The following RMDN2 variants were observed in gnomAD, a reference collection of about 807,000 sequenced individuals.
RMDN2 encodes the protein regulator of microtubule dynamics protein 2.
A neutral mutation model predicts 52.8 loss-of-function variants in RMDN2; 61 were observed. That is an observed-to-expected ratio of 1.16 (90% confidence interval 0.94 to 1.43). The LOEUF (loss-of-function observed/expected upper bound fraction) is 1.43, where lower values mean the gene tolerates loss of function less well. Ranked by LOEUF, RMDN2 falls within the 40% of genes most tolerant of loss-of-function variation. The pLI is 0.00. For synonymous variants in RMDN2, 180 were observed against 153.1 expected (o/e 1.18, Z -1.30); for missense variants, 592 against 475.3 (o/e 1.25, Z -2.28).
intron 10 of RMDN2, among the ~76,000 whole-genome samples, chr2:38,007,398 G>A (rs146217313): frequency 0.15 from 23,049 of 152,038 alleles, 1,841 homozygotes; most frequent in Non-Finnish European, 0.17. Context: ...TTATTGGTCT[G>A]TTAAGAGATT....
At chr2:37,973,776 A>G (rs922024231) in intron 2 of RMDN2, among the ~76,000 whole-genome samples, 1 of 152,098 alleles carries the variant, frequency 6.6e-6, no homozygotes, top group Admixed American at 6.5e-5. Flanking sequence ...TGATTAGAAT[A>G]TTGAAGGAGC....
At chr2:37,935,477 C>A (rs955801832) in intron 2 of RMDN2, among the ~76,000 whole-genome samples, 2 of 152,162 alleles carry the variant, frequency 1.3e-5, no homozygotes, top group African/African-American at 4.8e-5. Context: ...GATTTATATG[C>A]CTTGCTGTTA....
At chr2:38,023,042 T>G (rs1476734053) in intron 10 of RMDN2, among the ~76,000 whole-genome samples, 4 of 152,232 alleles carry the variant, frequency 2.6e-5, no homozygotes. Flanking sequence ...CTAAGAATGG[T>G]AACACTTACC....
chr2:37,948,403 G>T (rs1267557361), intron 2 of RMDN2, among the ~76,000 whole-genome samples: 1 of 152,140 alleles, frequency 6.6e-6, no homozygotes, highest in Admixed American at 6.5e-5. Flanking sequence ...ATGGAATACT[G>T]ACCTAGGTGA....
chr2:37,978,150 C>G (rs1672794647), intron 4 of RMDN2, among the ~76,000 whole-genome samples: 1 of 152,190 alleles, frequency 6.6e-6, no homozygotes, highest in South Asian at 2.1e-4. Context: ...GAAACCCCGT[C>G]TCCACCAAAA....
At chr2:38,059,461 G>A (rs916391695) in intron 10 of RMDN2, among the ~76,000 whole-genome samples, 1 of 152,314 alleles carries the variant, frequency 6.6e-6, no homozygotes, top group Middle Eastern at 3.4e-3. Flanking sequence ...GTCCACCCCT[G>A]TAGAGTTTAT....
At chr2:37,983,768 C>T (rs953201692) in intron 5 of RMDN2, among the ~76,000 whole-genome samples, 1 of 152,128 alleles carries the variant, frequency 6.6e-6, no homozygotes, top group African/African-American at 2.4e-5. Context: ...CTGCTGGACT[C>T]TCTTTAATTA....
At chr2:37,942,251 A>C (rs573018720) in intron 2 of RMDN2, among the ~76,000 whole-genome samples, 10 of 152,226 alleles carry the variant, frequency 6.6e-5, no homozygotes, top group African/African-American at 2.4e-4. Context: ...AACCTGTCCC[A>C]ATGAGATGCA....
Position 37,975,225 on chromosome 2 carries a change from TAG to T in RMDN2, c.644_645del (p.Glu215ValfsTer14), listed in dbSNP as rs1174058539. 7.5e-6 allele frequency: 12 copies of T among 1,599,086 alleles called. No individual in the cohort carries two copies. The highest frequency in any genetic ancestry group is 1.0e-5 in the Non-Finnish European group (12 of 1,166,764). ...TTTTCTTTTCAGTTTAGAGATGAAA[TAG>T]AGTTTATGTGGCGATTTGCTCGTGC... On this transcript the variant is annotated frameshift_variant, in exon 4 of 11. Transcript: ENST00000354545. LOFTEE classifies it high-confidence loss of function.
intron 2 of RMDN2, among the ~76,000 whole-genome samples, chr2:37,950,894 G>A (rs1572757832): frequency 6.6e-6 from 1 of 151,998 alleles, no homozygotes; most frequent in Admixed American, 6.6e-5. Flanking sequence ...TTTCCTTTGG[G>A]AATCTTTTTG....
At chr2:37,933,467 C>T (rs368814066) in intron 2 of RMDN2, among the ~76,000 whole-genome samples, 1 of 152,208 alleles carries the variant, frequency 6.6e-6, no homozygotes, top group African/African-American at 2.4e-5. Flanking sequence ...GCCACTGCAC[C>T]CCAGCCTGGG....
chr2:37,940,158 T>C (rs1667660550), intron 2 of RMDN2, among the ~76,000 whole-genome samples: 1 of 152,238 alleles, frequency 6.6e-6, no homozygotes, highest in South Asian at 2.1e-4. Context: ...TTTGGCTCGA[T>C]ATGAAGTTCT....
intron 10 of RMDN2, among the ~76,000 whole-genome samples, chr2:38,058,963 T>G (rs1681942016): frequency 6.6e-6 from 1 of 152,222 alleles, no homozygotes; most frequent in Non-Finnish European, 1.5e-5. Context: ...GAATCCTCCC[T>G]GAGTATTTCT....
intron 5 of RMDN2, among the ~76,000 whole-genome samples, chr2:37,983,059 C>A (rs928218209): frequency 6.6e-6 from 1 of 152,046 alleles, no homozygotes; most frequent in Non-Finnish European, 1.5e-5. Flanking sequence ...ACCTCTGACT[C>A]CTCTGTTCCC....
At chr2:38,045,356 G>C (rs942312690) in intron 10 of RMDN2, among the ~76,000 whole-genome samples, 15 of 152,132 alleles carry the variant, frequency 9.9e-5, no homozygotes, top group Non-Finnish European at 2.1e-4. Context: ...TACACTCTTA[G>C]CACAGGCTTA....
At chr2:37,986,299 G>T (rs948867366) in intron 5 of RMDN2, among the ~76,000 whole-genome samples, 3 of 152,076 alleles carry the variant, frequency 2.0e-5, no homozygotes, top group Non-Finnish European at 4.4e-5. Context: ...TTGAAAAAAT[G>T]GAATAAATAA....
chr2:38,026,940 T>TG (rs397804052), intron 10 of RMDN2: 1 of 152,160 alleles, frequency 6.6e-6, no homozygotes, highest in African/African-American at 2.4e-5. Context: ...AGGTTTTTTT[T>TG]GTTTTCAGGT....
chr2:38,045,688 A>G (rs1681229023), intron 10 of RMDN2, among the ~76,000 whole-genome samples: 1 of 152,222 alleles, frequency 6.6e-6, no homozygotes, highest in African/African-American at 2.4e-5. Context: ...AAGCTTAGCT[A>G]AGAATAGTGA....
chr2:37,929,140 G>T (rs533442979), intron 1 of RMDN2, 122 bp from the exon 2 acceptor site: 10 of 618,734 alleles, frequency 1.6e-5, no homozygotes, highest in Admixed American at 1.6e-4. Context: ...TTGGGCTATT[G>T]TCCTACTTTT....
Sources: gnomAD v4.1 joint callset for allele counts (sites outside exome capture counted in the v4.1 genomes callset) on GRCh38, gnomAD v4.1.1 for gene constraint, MANE v1.5 for transcripts, NCBI Gene and HGNC (gene_info 2026-07-23, HGNC 2026-07-21) for gene names.